EHMT2: variants seen among roughly 807,000 people sequenced by gnomAD.
EHMT2 encodes euchromatic histone lysine methyltransferase 2.
Under a neutral mutation model 143.3 loss-of-function variants are expected in EHMT2, and 59 were observed. That is an observed-to-expected ratio of 0.41 (90% CI 0.33 to 0.51). The LOEUF (loss-of-function observed/expected upper bound fraction) is 0.51, where lower values mean the gene tolerates loss of function less well. Among genes scored for constraint, EHMT2 ranks in the 20% least tolerant of loss-of-function variants. The pLI, the probability that EHMT2 is intolerant of heterozygous loss-of-function variation, is 0.18. For missense variants in EHMT2, 1,174 were observed against 1,645.9 expected (o/e 0.71, Z 4.96); for synonymous variants, 604 against 651.5 (o/e 0.93, Z 1.11).
At chr6:31,894,513 C>A (rs1199820536) in intron 4 of EHMT2, among the ~76,000 whole-genome samples, 1 of 152,116 alleles carries the variant, frequency 6.6e-6, no homozygotes, top group Non-Finnish European at 1.5e-5. Flanking sequence ...AAACTCCTGA[C>A]CTCAGGTGAT....
chr6:31,890,043 C>T (rs1765481223), intron 7 of EHMT2, among the ~76,000 whole-genome samples: 1 of 152,078 alleles, frequency 6.6e-6, no homozygotes, highest in Non-Finnish European at 1.5e-5. Flanking sequence ...ATTAGATGTT[C>T]CATGCATCCT....
At chr6:31,896,545 TAAG>T (rs1766478713) in intron 3 of EHMT2, 29 bp from the exon 4 acceptor site, 2 of 1,609,646 alleles carry the variant, frequency 1.2e-6, no homozygotes, top group Non-Finnish European at 1.7e-6. Flanking sequence ...AAAGGCAAGA[TAAG>T]AAAGAAGGCA....
rs1374466386 is a variant in EHMT2 at position 31,884,991 on chromosome 6, A to G, written c.2369T>C (p.Ile790Thr). The G allele has an allele frequency of 6.2e-7, 1 of 1,610,064 alleles. No individual in the cohort carries two copies. Among genetic ancestry groups the G allele is most frequent in the Non-Finnish European group, 8.5e-7 (1 of 1,177,272 alleles). ...GATGTGCTTGTGCTCTGCAGCCCAG[A>G]TGATGGGCGTCCACCCCCCACTGTC... is the stretch of plus-strand genomic sequence containing the variant. Residue 790 changes from isoleucine (I) to threonine (T), a missense_variant, in exon 19 of 28, where the codon ATC becomes ACC. This residue lies in a region of EHMT2 where 608 missense variants were observed against 903.7 expected (regional missense o/e 0.67). Transcript: ENST00000375537. This position sits in a 1 kb window ranked among gnomAD's most constrained non-coding sequence, Gnocchi z 7.3.
Position 31,880,916 on chromosome 6 carries a change from C to T in EHMT2, c.3277-68G>A. On this transcript the variant is annotated intron_variant, in intron 26 of 27. Coordinates refer to ENST00000375537, the Ensembl canonical transcript of EHMT2. This position sits in a 1 kb window ranked among gnomAD's most constrained non-coding sequence, Gnocchi z 6.6. ...GCTTGCCCTCCCCACCCACTGACTC[C>T]CCAGTCCCTCCTCCCCAGGTTTCCA... The T allele has an allele frequency of 1.9e-6, 3 of 1,608,452 alleles. No individual in the cohort carries two copies. The highest frequency in any genetic ancestry group is 2.6e-6 in the Non-Finnish European group (3 of 1,176,172).
chr6:31,892,837 T>C, exon 5 of EHMT2: 1 of 1,606,192 alleles, frequency 6.2e-7, no homozygotes, highest in Non-Finnish European at 8.5e-7. Context: ...TGAGGTCACC[T>C]TTCCCAGTGA....
intron 7 of EHMT2, among the ~76,000 whole-genome samples, chr6:31,892,169 G>C (rs1765774538): frequency 6.6e-6 from 1 of 152,170 alleles, no homozygotes; most frequent in Admixed American, 6.5e-5. Context: ...TTTAACCCTG[G>C]AGACAGAGGT....
chr6:31,888,647 G>C lies in EHMT2; in HGVS notation c.1317C>G (p.Ser439Arg). 1 of 1,613,638 alleles carries C rather than the reference G, an allele frequency of 6.2e-7. No homozygotes were observed. Among genetic ancestry groups the C allele is most frequent in the Non-Finnish European group, 8.5e-7 (1 of 1,180,010 alleles). Residue 439 changes from serine (S) to arginine (R), a missense_variant, in exon 11 of 28, where the codon AGC (serine) becomes AGG (arginine). By Grantham distance (110) the Ser-to-Arg change is moderately radical. Around this residue, in one of 6 missense-constraint regions of EHMT2, gnomAD observed 608 missense variants for 903.7 expected, o/e 0.67. Transcript: ENST00000375537. This position sits in a 1 kb window ranked among gnomAD's most constrained non-coding sequence, Gnocchi z 7.4. ...CCATGCACTTGTGCCCCGCCCTCTC[G>C]CTGATGCGGTCAATCTTGGGTGCCT...
At chr6:31,897,293 T>A in intron 1 of EHMT2, 2 of 593,364 alleles carry the variant, frequency 3.4e-6, no homozygotes, top group South Asian at 9.7e-5. Flanking sequence ...CCGCTCCCCC[T>A]TTGTCCCCCA....
intron 1 of EHMT2, 50 bp downstream of exon 1, chr6:31,897,569 ACGGGCGCGCGCTTCCCC>A (rs1288544694): frequency 4.6e-6 from 5 of 1,092,324 alleles, no homozygotes; most frequent in Admixed American, 5.2e-5. Flanking sequence ...GGAGCATTGC[ACGGGCGCGCGCTTCCCC>A]CGGGCGCGCG....
At position 31,882,462 on chromosome 6, in the gene EHMT2, G is replaced by C. The variant is rs141652595; in HGVS notation, c.3197+237C>G. Among the ~76,000 whole-genome samples, 779 of 152,158 alleles carry C rather than the reference G, an allele frequency of 5.1e-3. 6 individuals are homozygous for C. The highest frequency in any genetic ancestry group is 9.2e-3 in the Non-Finnish European group (627 of 67,998). ...GAGGGTGGAGGTGGAGGGGAGGGAAGACAAGCTCTGTGGTCTGGGCAGAGT... is the reference window on the plus strand; with the variant it reads ...GAGGGTGGAGGTGGAGGGGAGGGAACACAAGCTCTGTGGTCTGGGCAGAGT... On this transcript the variant is annotated intron_variant, in intron 25 of 27. Coordinates refer to ENST00000375537, the Ensembl canonical transcript of EHMT2.
At chr6:31,897,116 C>T (rs745928314) in intron 1 of EHMT2, 127 bp from the exon 2 acceptor site, 45 of 1,416,096 alleles carry the variant, frequency 3.2e-5, no homozygotes, top group Non-Finnish European at 4.1e-5. Flanking sequence ...GGGGCCCCCC[C>T]CTTCCGCGGC....
chr6:31,892,416 G>A (rs1223050739), exon 7 of EHMT2: 44 of 1,612,764 alleles, frequency 2.7e-5, no homozygotes, highest in Non-Finnish European at 3.3e-5. Flanking sequence ...CCTTGCTGTC[G>A]GAGTCCACGC....
exon 16 of EHMT2, chr6:31,887,060 TGCTCTGCTGGTC>T (rs769301993): frequency 6.2e-7 from 1 of 1,612,542 alleles, no homozygotes; most frequent in Non-Finnish European, 8.5e-7. Context: ...GGCGTGCGCT[TGCTCTGCTGGTC>T]GCTCTGGAAG....
chr6:31,894,065 C>T (rs779553217), intron 4 of EHMT2, among the ~76,000 whole-genome samples: 4 of 152,202 alleles, frequency 2.6e-5, no homozygotes, highest in Non-Finnish European at 4.4e-5. Context: ...GCCTCTACCT[C>T]CCAGGTTCAA....
Position 31,889,086 on chromosome 6 carries a change from AGAGAGT to A in EHMT2, c.1115-22_1115-17del. ...CCATTCACTCCTGACACAGAGACAG[AGAGAGT>A]GAGAGTGCGAGCTCACAGGTGCCTG... On this transcript the variant is annotated splice_polypyrimidine_tract_variant and intron_variant, in intron 9 of 27. Coordinates refer to ENST00000375537, the Ensembl canonical transcript of EHMT2. The surrounding 1 kb of genome is among the most constrained non-coding windows in gnomAD (Gnocchi z 5.1). 1 of 1,592,344 alleles carries A rather than the reference AGAGAGT, an allele frequency of 6.3e-7. No individual in the cohort carries two copies. The highest frequency in any genetic ancestry group is 8.6e-7 in the Non-Finnish European group (1 of 1,169,162).
chr6:31,883,627 T>G lies in EHMT2; in HGVS notation c.2916+179A>C. The G allele has an allele frequency of 2.8e-6, 3 of 1,060,022 alleles. No individual in the cohort carries two copies. Among genetic ancestry groups the G allele is most frequent in the Non-Finnish European group, 4.2e-6 (3 of 713,742 alleles). 65.7% of individuals were successfully genotyped at this position (1,060,022 alleles called of 1,614,324 possible). On this transcript the variant is annotated intron_variant, in intron 22 of 27. Transcript: ENST00000375537. This position sits in a 1 kb window ranked among gnomAD's most constrained non-coding sequence, Gnocchi z 5.6. The stretch of plus-strand genomic sequence containing the variant: ...TCCCCAGGGCTACTGGGAGCTCATA[T>G]GATACCTTGCTGTGACCTAGGAAAA...
Position 31,884,684 on chromosome 6 carries a change from AG to A in EHMT2, c.2563del (p.Leu855CysfsTer36), listed in dbSNP as rs1377283633. On this transcript the variant is annotated frameshift_variant, in exon 20 of 28. Coordinates refer to ENST00000375537, the Ensembl canonical transcript of EHMT2. LOFTEE classifies it high-confidence loss of function. The surrounding 1 kb of genome is among the most constrained non-coding windows in gnomAD (Gnocchi z 7.3). ...GTAGCTCTCCCGAGCTGCGATGTGC[AG>A]GGGGGTGTCCCCATGGTAGTTGACA... The A allele has an allele frequency of 1.9e-6, 3 of 1,584,908 alleles. No individual in the cohort carries two copies. The highest frequency in any genetic ancestry group is 2.6e-6 in the Non-Finnish European group (3 of 1,162,260).
At chr6:31,897,679 G>A (rs1259848173) in exon 1 of EHMT2, 2 of 1,132,462 alleles carry the variant, frequency 1.8e-6, no homozygotes, top group Non-Finnish European at 2.2e-6. Context: ...CGCCGCCATC[G>A]CCGCTTGCGC....
chr6:31,886,744 G>C (rs755712518), intron 17 of EHMT2, 31 bp downstream of exon 17: 1 of 1,613,752 alleles, frequency 6.2e-7, no homozygotes, highest in African/African-American at 1.3e-5. Flanking sequence ...CCCTGACTCC[G>C]GGGGCCACGC....
Sources: gnomAD v4.1 joint callset for allele counts (sites outside exome capture counted in the v4.1 genomes callset) on GRCh38, gnomAD v4.1.1 for gene constraint, gnomAD v4.1.1 regional missense constraint, Gnocchi (gnomAD v3.1) non-coding constraint, MANE v1.5 for transcripts, NCBI Gene and HGNC (gene_info 2026-07-23, HGNC 2026-07-21) for gene names.